Variants in ATRNL1 observed in about 807,000 individuals in gnomAD.
The protein encoded by ATRNL1 is attractin-like protein 1.
Under a neutral mutation model 182.7 loss-of-function variants are expected in ATRNL1, and 95 were observed. The ratio of observed to expected loss-of-function variants is 0.52; its 90% CI spans 0.44 to 0.62. ATRNL1 has a LOEUF of 0.62. ATRNL1 is among the 20% of genes least tolerant of loss of function. The probability of loss-of-function intolerance (pLI) is 0.00; values close to 1 mark genes in which losing one functional copy is unlikely to be tolerated. For missense variants in ATRNL1, 1,471 were observed against 1,679.5 expected (o/e 0.88, Z 2.17); for synonymous variants, 576 against 568.3 (o/e 1.01, Z -0.19).
At chr10:115,480,601 C>T (rs1253901368) in intron 24 of ATRNL1, among the ~76,000 whole-genome samples, 1 of 150,850 alleles carries the variant, frequency 6.6e-6, no homozygotes, top group Non-Finnish European at 1.5e-5. Flanking sequence ...AATGATATAA[C>T]AAATATGTAA....
intron 27 of ATRNL1, among the ~76,000 whole-genome samples, chr10:115,763,624 A>G (rs887680595): frequency 6.6e-6 from 1 of 152,116 alleles, no homozygotes; most frequent in Non-Finnish European, 1.5e-5. Context: ...TTCTGTAGAC[A>G]GTGGGGGACT....
chr10:115,524,958 C>T (rs939922540), intron 25 of ATRNL1, among the ~76,000 whole-genome samples: 9 of 152,118 alleles, frequency 5.9e-5, no homozygotes, highest in South Asian at 2.1e-4. Context: ...GTATATATAT[C>T]CTCATGCATA....
chr10:115,908,129 C>T (rs953870128), intron 28 of ATRNL1, among the ~76,000 whole-genome samples: 7 of 152,126 alleles, frequency 4.6e-5, no homozygotes, highest in African/African-American at 1.7e-4. Flanking sequence ...CACATAAGAC[C>T]TCTCAGAACC....
At chr10:115,355,720 G>C (rs1431130106) in intron 19 of ATRNL1, among the ~76,000 whole-genome samples, 1 of 151,652 alleles carries the variant, frequency 6.6e-6, no homozygotes, top group Non-Finnish European at 1.5e-5. Flanking sequence ...TTATTGCAAG[G>C]TGCTTAATGG....
intron 24 of ATRNL1, among the ~76,000 whole-genome samples, chr10:115,486,782 C>G (rs571677358): frequency 6.6e-6 from 1 of 152,020 alleles, no homozygotes; most frequent in Non-Finnish European, 1.5e-5. Flanking sequence ...GTTGCAATTG[C>G]TTTTTATGTT....
chr10:115,424,029 C>T (rs1845766600), intron 20 of ATRNL1, among the ~76,000 whole-genome samples: 1 of 152,112 alleles, frequency 6.6e-6, no homozygotes, highest in South Asian at 2.1e-4. Context: ...GCAAACTATG[C>T]ATCTGATAAG....
At chr10:115,646,712 T>C (rs1555032579) in intron 26 of ATRNL1, among the ~76,000 whole-genome samples, 1 of 151,946 alleles carries the variant, frequency 6.6e-6, no homozygotes, top group Admixed American at 6.6e-5. Context: ...TACATATATA[T>C]ATTCATGTAT....
intron 27 of ATRNL1, among the ~76,000 whole-genome samples, chr10:115,768,254 A>G (rs1449145293): frequency 6.6e-6 from 1 of 152,126 alleles, no homozygotes. Context: ...GAGCTAATGT[A>G]CATAAATTTT....
chr10:115,233,726 G>C (rs972250334), intron 9 of ATRNL1, among the ~76,000 whole-genome samples: 1 of 151,988 alleles, frequency 6.6e-6, no homozygotes, highest in Non-Finnish European at 1.5e-5. Context: ...ATGAATGGAT[G>C]CTTGGTTTTG....
chr10:115,551,976 A>G (rs1554995661), intron 26 of ATRNL1, among the ~76,000 whole-genome samples: 1 of 151,428 alleles, frequency 6.6e-6, no homozygotes, highest in African/African-American at 2.4e-5. Flanking sequence ...GTTCTATTTC[A>G]TTATTATTGT....
intron 25 of ATRNL1, among the ~76,000 whole-genome samples, chr10:115,527,898 T>C (rs1282691918): frequency 0.01 from 384 of 36,764 alleles, 6 homozygotes; most frequent in Non-Finnish European, 0.019. Flanking sequence ...TTCCCTCCCT[T>C]CCTTCCTTCC....
At position 115,637,603 on chromosome 10, in the gene ATRNL1, C is replaced by T. The variant is rs2420092; in HGVS notation, c.3795+88067C>T. ...AAAGTAAGCTAAAGTCAATTTATTACTATTATTATTATTATTATTATTATT... is the reference window on the plus strand; with the variant it reads ...AAAGTAAGCTAAAGTCAATTTATTATTATTATTATTATTATTATTATTATT... On this transcript the variant is annotated intron_variant, in intron 26 of 28. Coordinates refer to ENST00000355044, the MANE Select transcript of ATRNL1 (RefSeq NM_207303.4). Among the ~76,000 whole-genome samples the T allele has an allele frequency of 1.3e-3, 178 of 141,816 alleles. 1 individual carries two copies. The highest frequency in any genetic ancestry group is 5.5e-3 in the East Asian group (27 of 4,884). The allele number at this position is 141,816 out of a possible 152,430, so 93.0% of individuals were successfully genotyped here. A position where few individuals can be genotyped will look rare whatever the true frequency, so the allele number is the denominator to read the frequency against.
At chr10:115,460,374 T>C (rs1031226607) in intron 21 of ATRNL1, among the ~76,000 whole-genome samples, 3 of 152,140 alleles carry the variant, frequency 2.0e-5, no homozygotes, top group Non-Finnish European at 4.4e-5. Context: ...ATTCTCCATT[T>C]AAGTTAATGG....
chr10:115,373,086 C>G (rs541011286), intron 19 of ATRNL1, among the ~76,000 whole-genome samples: 1 of 152,120 alleles, frequency 6.6e-6, no homozygotes, highest in South Asian at 2.1e-4. Flanking sequence ...TCATTCACTT[C>G]TTTGATTAAA....
intron 28 of ATRNL1, among the ~76,000 whole-genome samples, chr10:115,857,832 G>GT (rs1555102483): frequency 2.0e-5 from 3 of 152,132 alleles, no homozygotes; most frequent in African/African-American, 7.2e-5. Flanking sequence ...CAGGATTCAT[G>GT]GAAATGAAAA....
intron 27 of ATRNL1, among the ~76,000 whole-genome samples, chr10:115,748,989 A>G (rs530322165): frequency 2.0e-5 from 3 of 151,976 alleles, no homozygotes; most frequent in African/African-American, 7.2e-5. Flanking sequence ...ACTAGAGTCT[A>G]TGATGATTTT....
intron 28 of ATRNL1, among the ~76,000 whole-genome samples, chr10:115,870,348 T>C (rs1357865305): frequency 6.6e-6 from 1 of 152,218 alleles, no homozygotes; most frequent in Non-Finnish European, 1.5e-5. Context: ...GGCAGAGGCC[T>C]AATAGAGGAA....
At chr10:115,367,526 G>A (rs1179917094) in intron 19 of ATRNL1, among the ~76,000 whole-genome samples, 1 of 151,976 alleles carries the variant, frequency 6.6e-6, no homozygotes, top group Non-Finnish European at 1.5e-5. Flanking sequence ...GCTCGTCAAA[G>A]TCATTCTCCA....
At chr10:115,475,552 C>G (rs1187451807) in intron 24 of ATRNL1, among the ~76,000 whole-genome samples, 4 of 151,280 alleles carry the variant, frequency 2.6e-5, no homozygotes, top group African/African-American at 9.7e-5. Context: ...TTGCATTTGT[C>G]TTTCCCATAT....
Sources: allele counts gnomAD v4.1 joint callset (sites outside exome capture counted in the v4.1 genomes callset), GRCh38; gene constraint gnomAD v4.1.1; transcripts MANE v1.5; gene names NCBI Gene and HGNC (gene_info 2026-07-23, HGNC 2026-07-21).